ACSS3: variants seen among roughly 807,000 people sequenced by gnomAD.
The protein encoded by ACSS3 is acyl-CoA synthetase short chain family member 3.
In ACSS3, 64 loss-of-function variants were observed where a neutral mutation model predicts 84.2. That is an observed-to-expected ratio of 0.76 (90% CI 0.62 to 0.94). The LOEUF is 0.94. Among genes scored for constraint, ACSS3 ranks in the 40% least tolerant of loss-of-function variants. The pLI, the probability that ACSS3 is intolerant of heterozygous loss-of-function variation, is 0.00. For synonymous variants in ACSS3, 317 were observed against 310.1 expected (o/e 1.02, Z -0.23); for missense variants, 815 against 867.6 (o/e 0.94, Z 0.76).
intron 7 of ACSS3, among the ~76,000 whole-genome samples, chr12:81,165,881 CAATT>C (rs1392347767): frequency 6.6e-6 from 1 of 152,154 alleles, no homozygotes; most frequent in Non-Finnish European, 1.5e-5. Context: ...GAGACAATAA[CAATT>C]AATAATAATT....
At chr12:81,124,920 G>A (rs1884948821) in intron 2 of ACSS3, among the ~76,000 whole-genome samples, 1 of 152,090 alleles carries the variant, frequency 6.6e-6, no homozygotes, top group Non-Finnish European at 1.5e-5. Flanking sequence ...TCTCTTAAAA[G>A]CATGCATAAA....
intron 1 of ACSS3, among the ~76,000 whole-genome samples, chr12:81,084,061 C>T (rs1018168599): frequency 1.3e-5 from 2 of 152,148 alleles, no homozygotes. Flanking sequence ...GCTGCTGATC[C>T]TTTAAATGGT....
intron 13 of ACSS3, among the ~76,000 whole-genome samples, chr12:81,252,077 G>A (rs1218707166): frequency 2.0e-5 from 3 of 152,090 alleles, no homozygotes; most frequent in South Asian, 4.1e-4. Context: ...TGGTGCCTAT[G>A]AAGTCCTTCC....
At chr12:81,077,911 AC>A, upstream of ACSS3, 1 of 517,670 alleles carries the variant, frequency 1.9e-6, no homozygotes. Flanking sequence ...GCGCTGTGAC[AC>A]CCCTGTCCCG....
At chr12:81,173,214 A>T (rs911529005) in intron 7 of ACSS3, among the ~76,000 whole-genome samples, 3 of 152,234 alleles carry the variant, frequency 2.0e-5, no homozygotes, top group Admixed American at 1.3e-4. Flanking sequence ...AGACTGATGT[A>T]CTAAAGCCTT....
intron 5 of ACSS3, among the ~76,000 whole-genome samples, chr12:81,144,430 T>C (rs1886230013): frequency 6.6e-6 from 1 of 152,212 alleles, no homozygotes; most frequent in South Asian, 2.1e-4. Flanking sequence ...TATTGAAGAT[T>C]GGAAGATTTA....
chr12:81,245,736 G>A (rs960175240), intron 13 of ACSS3, among the ~76,000 whole-genome samples: 1 of 152,062 alleles, frequency 6.6e-6, no homozygotes, highest in Non-Finnish European at 1.5e-5. Context: ...TGGGGGAGTG[G>A]TTTTCCCTGT....
intron 1 of ACSS3, among the ~76,000 whole-genome samples, chr12:81,093,212 G>A (rs1881784201): frequency 6.6e-6 from 1 of 152,080 alleles, no homozygotes; most frequent in African/African-American, 2.4e-5. Flanking sequence ...CACTTTGTGA[G>A]GCCAAGGTAA....
At chr12:81,091,474 A>G (rs937393943) in intron 1 of ACSS3, among the ~76,000 whole-genome samples, 5 of 151,946 alleles carry the variant, frequency 3.3e-5, no homozygotes, top group Non-Finnish European at 5.9e-5. Flanking sequence ...ACTGCTCAAG[A>G]TCTCCTACAT....
Position 81,259,672 on chromosome 12 carries a change from A to C in ACSS3, c.*4750A>C. The C allele has an allele frequency of 6.5e-7, 1 of 1,533,686 alleles. No individual in the cohort carries two copies. The highest frequency in any genetic ancestry group is 8.7e-7 in the Non-Finnish European group (1 of 1,144,980). On this transcript the variant is annotated 3_prime_UTR_variant, in exon 16 of 16. Transcript: ENST00000548058. ...TGAAAAGACGCCATCTAAAATATAC[A>C]ATGGATAGCATTAGTTCACTGAAAA...
intron 8 of ACSS3, among the ~76,000 whole-genome samples, chr12:81,190,297 C>A (rs532832446): frequency 6.6e-6 from 1 of 152,142 alleles, no homozygotes; most frequent in Non-Finnish European, 1.5e-5. Context: ...TTATTTAGGA[C>A]TTTAATTTCA....
intron 8 of ACSS3, among the ~76,000 whole-genome samples, chr12:81,185,556 G>A (rs984025085): frequency 2.0e-5 from 3 of 151,324 alleles, no homozygotes; most frequent in African/African-American, 7.3e-5. Context: ...TGATCTAACT[G>A]AAAAGAAATA....
In ACSS3 at chr12:81,174,945, G is replaced by A. The variant is rs768892088; in HGVS notation, c.1250+6G>A. ...AAGCAGTACTCTCTGACAAGGTGAC[G>A]TTGGGATGCACAGGGCAAATGACAT... On this transcript the variant is annotated splice_donor_region_variant and intron_variant, in intron 8 of 15. Transcript: ENST00000548058. 45 of 1,612,892 alleles carry A rather than the reference G, an allele frequency of 2.8e-5. No homozygotes were observed. The Admixed American group carries it at 4.7e-4, about 17-fold the overall frequency.
chr12:81,109,783 C>T (rs572026885), intron 2 of ACSS3, 79 bp downstream of exon 2: 1 of 1,170,496 alleles, frequency 8.5e-7, no homozygotes. Context: ...CATTGTAGAG[C>T]CTTCAATTCT....
At position 81,247,392 on chromosome 12, in the gene ACSS3, T is replaced by A. The variant is rs146448887; in HGVS notation, c.1720-5915T>A. Among the ~76,000 whole-genome samples, 5 of 152,246 alleles carry A rather than the reference T, an allele frequency of 3.3e-5. No individual in the cohort carries two copies. In the East Asian group the frequency reaches 7.7e-4, roughly 24 times the overall value. On this transcript the variant is annotated intron_variant, in intron 13 of 15. Transcript: ENST00000548058. Reference sequence around the variant, plus strand: ...TATTCAAAGATATGTTGTGTTTTAATGCTTCTACTGAAATCCTTCTCACTG... The same window carrying A: ...TATTCAAAGATATGTTGTGTTTTAAAGCTTCTACTGAAATCCTTCTCACTG...
Position 81,256,633 on chromosome 12 carries a change from T to A in ACSS3, c.*1711T>A, listed in dbSNP as rs1362072400. The stretch of plus-strand genomic sequence containing the variant: ...ATACTCAGGATACATGAAATGTATG[T>A]GAGAGATAAATAGATAATAGAAAGT... On this transcript the variant is annotated 3_prime_UTR_variant, in exon 16 of 16. Transcript: ENST00000548058. 1 of 152,166 alleles carries A rather than the reference T, an allele frequency of 6.6e-6. No individual in the cohort carries two copies. The highest frequency in any genetic ancestry group is 1.5e-5 in the Non-Finnish European group (1 of 68,024). The allele number at this position is 152,166 out of a possible 1,614,324, so 9.4% of individuals were successfully genotyped here. A position where few individuals can be genotyped will look rare whatever the true frequency, so the allele number is the denominator to read the frequency against.
chr12:81,154,990 G>GT (rs1255588163), intron 7 of ACSS3, among the ~76,000 whole-genome samples: 1 of 152,096 alleles, frequency 6.6e-6, no homozygotes, highest in Non-Finnish European at 1.5e-5. Flanking sequence ...GCTGTGTGCA[G>GT]TGCCCCTTTT....
intron 7 of ACSS3, among the ~76,000 whole-genome samples, chr12:81,173,423 G>A (rs1163167784): frequency 1.3e-5 from 2 of 151,824 alleles, no homozygotes; most frequent in African/African-American, 2.4e-5. Flanking sequence ...AAAATAGAAA[G>A]CAATAGAACA....
chr12:81,221,279 G>T lies in ACSS3; in HGVS notation c.1514+1203G>T, dbSNP rs372239392. Among the ~76,000 whole-genome samples the T allele has an allele frequency of 1.4e-3, 212 of 152,110 alleles. 1 individual carries two copies. Among genetic ancestry groups the T allele is most frequent in the African/African-American group, 4.9e-3 (204 of 41,542 alleles). On this transcript the variant is annotated intron_variant, in intron 11 of 15. Transcript: ENST00000548058. ...CATCTTTACTGATAGAGTTTAAGTA[G>T]TAGAATTCACCAGATTGAGCTACTA...
Sources: allele counts gnomAD v4.1 joint callset (sites outside exome capture counted in the v4.1 genomes callset), GRCh38; gene constraint gnomAD v4.1.1; transcripts MANE v1.5; gene names NCBI Gene and HGNC (gene_info 2026-07-23, HGNC 2026-07-21).